Variants in PTPRD observed in about 807,000 individuals in gnomAD.
The protein encoded by PTPRD is protein tyrosine phosphatase receptor type D, also known as receptor-type tyrosine-protein phosphatase delta.
Under a neutral mutation model 214.5 loss-of-function variants are expected in PTPRD, and 34 were observed. The ratio of observed to expected loss-of-function variants is 0.16; its 90% CI spans 0.12 to 0.21. The LOEUF (loss-of-function observed/expected upper bound fraction) is 0.21. Ranked by LOEUF, PTPRD falls within the 10% of genes least tolerant of loss-of-function variation. The pLI, the probability that PTPRD is intolerant of heterozygous loss-of-function variation, is 1.00. For synonymous variants in PTPRD, 1,128 were observed against 845.7 expected (o/e 1.33, Z -5.79); for missense variants, 2,545 against 2,398.7 (o/e 1.06, Z -1.27).
rs1488456477 is a variant in PTPRD, at chr9:9,971,051, C to T, written c.-471-32441G>A. ...AATATCTGAAATTCTTAAGTAACAA[C>T]CTACAAAGATAGAAAATTTTTAATT... On this transcript the variant is annotated intron_variant, in intron 4 of 45. Coordinates refer to ENST00000381196, the MANE Select transcript of PTPRD (RefSeq NM_002839.4). Among the ~76,000 whole-genome samples, 4 of 152,002 alleles carry T rather than the reference C, an allele frequency of 2.6e-5. No individual in the cohort carries two copies. In the East Asian group the frequency reaches 7.7e-4, roughly 29 times the overall value.
intron 5 of PTPRD, among the ~76,000 whole-genome samples, chr9:9,821,465 T>A (rs2050703850): frequency 1.3e-5 from 2 of 152,320 alleles, no homozygotes; most frequent in Admixed American, 6.5e-5. Flanking sequence ...TTTCAAAACT[T>A]ACCTGAATAT....
chr9:10,387,588 T>G (rs1410459582), intron 2 of PTPRD, among the ~76,000 whole-genome samples: 1 of 151,762 alleles, frequency 6.6e-6, no homozygotes, highest in Non-Finnish European at 1.5e-5. Context: ...TCTTCTCCTC[T>G]TGCTCAACTT....
chr9:10,328,865 C>A (rs757857780), intron 3 of PTPRD, among the ~76,000 whole-genome samples: 1 of 151,842 alleles, frequency 6.6e-6, no homozygotes, highest in South Asian at 2.1e-4. Flanking sequence ...AATGTCATTT[C>A]GATGGAAGAT....
chr9:8,377,545 C>T (rs72691040), intron 37 of PTPRD, among the ~76,000 whole-genome samples: 27,038 of 151,922 alleles, frequency 0.18, 2,746 homozygotes, highest in Non-Finnish European at 0.24. Flanking sequence ...GTAACAAACA[C>T]AGCACAATAT....
chr9:9,359,410 T>C (rs552958413), intron 9 of PTPRD, among the ~76,000 whole-genome samples: 79 of 151,304 alleles, frequency 5.2e-4, no homozygotes, highest in Non-Finnish European at 9.8e-4. Flanking sequence ...AAATGTCCCC[T>C]GATAAGAGGT....
At chr9:9,289,392 A>C (rs1950470536) in intron 9 of PTPRD, among the ~76,000 whole-genome samples, 1 of 151,874 alleles carries the variant, frequency 6.6e-6, no homozygotes, top group Non-Finnish European at 1.5e-5. Context: ...TTCAATGTGT[A>C]CAATGTGATT....
intron 4 of PTPRD, among the ~76,000 whole-genome samples, chr9:10,015,216 C>T (rs2096679048): frequency 6.6e-6 from 1 of 152,056 alleles, no homozygotes. Flanking sequence ...TTCAGAGTTA[C>T]CAGCTTTTTC....
chr9:10,229,291 T>C (rs926020487), intron 3 of PTPRD, among the ~76,000 whole-genome samples: 6 of 152,104 alleles, frequency 3.9e-5, no homozygotes, highest in Admixed American at 2.0e-4. Flanking sequence ...GAAGTCACTG[T>C]GGCAATTCCT....
rs76104295 is a variant in PTPRD at position 10,220,052 on chromosome 9, G to C, written c.-545+120911C>G. Among the ~76,000 whole-genome samples, 1,442 of 151,692 alleles carry C rather than the reference G, an allele frequency of 9.5e-3. 22 individuals are homozygous for C. Among genetic ancestry groups the C allele is most frequent in the Non-Finnish European group, 0.012 (790 of 67,752 alleles). ...TTTACACACACAGAATAACTGGTTG[G>C]AAAATAATTTTACATATTTTATACC... On this transcript the variant is annotated intron_variant, in intron 3 of 45. Coordinates refer to ENST00000381196, the MANE Select transcript of PTPRD (RefSeq NM_002839.4).
chr9:10,395,954 T>TGAGAGAGAGAGAGAGAGAGAGAGA (rs368100918), intron 2 of PTPRD, among the ~76,000 whole-genome samples: 1,466 of 134,156 alleles, frequency 0.011, 19 homozygotes, highest in East Asian at 0.033. Flanking sequence ...ATAGAGAGAA[T>TGAGAGAGAGAGAGAGAGAGAGAGA]GAGAGAGAGA....
intron 2 of PTPRD, among the ~76,000 whole-genome samples, chr9:10,582,613 T>G (rs1346852960): frequency 6.6e-6 from 1 of 152,232 alleles, no homozygotes; most frequent in Non-Finnish European, 1.5e-5. Flanking sequence ...CCTTGAATAT[T>G]TCCATTTTAG....
intron 9 of PTPRD, among the ~76,000 whole-genome samples, chr9:9,250,363 A>AT (rs1569565701): frequency 6.6e-6 from 1 of 152,072 alleles, no homozygotes; most frequent in Admixed American, 6.6e-5. Flanking sequence ...ATAAATACTA[A>AT]TATCTGCCCT....
chr9:9,614,192 G>C (rs1481559353), intron 7 of PTPRD, among the ~76,000 whole-genome samples: 1 of 151,886 alleles, frequency 6.6e-6, no homozygotes, highest in Non-Finnish European at 1.5e-5. Flanking sequence ...GATTGCCAGA[G>C]ATTACAAAGT....
intron 11 of PTPRD, among the ~76,000 whole-genome samples, chr9:8,762,184 A>G (rs1041128204): frequency 3.3e-5 from 5 of 152,174 alleles, no homozygotes; most frequent in African/African-American, 1.2e-4. Context: ...ATAATTCTCA[A>G]TAATTTTTCC....
chr9:8,332,079 T>C (rs1841967649), intron 43 of PTPRD, among the ~76,000 whole-genome samples: 1 of 152,166 alleles, frequency 6.6e-6, no homozygotes, highest in African/African-American at 2.4e-5. Context: ...CCATTCATCA[T>C]GTCTGCATTC....
chr9:9,176,604 G>T (rs908674882), intron 10 of PTPRD, among the ~76,000 whole-genome samples: 1 of 152,156 alleles, frequency 6.6e-6, no homozygotes, highest in Non-Finnish European at 1.5e-5. Context: ...TTAAAGAGGT[G>T]AGTAAGCCAT....
At chr9:10,240,644 G>A (rs1356125305) in intron 3 of PTPRD, among the ~76,000 whole-genome samples, 2 of 151,830 alleles carry the variant, frequency 1.3e-5, no homozygotes, top group Non-Finnish European at 2.9e-5. Context: ...TGTACAGAAG[G>A]ATAATACAAA....
Position 9,799,424 on chromosome 9 carries a change from C to T in PTPRD, c.-367-32573G>A, listed in dbSNP as rs371250465. The T allele has an allele frequency of 2.0e-5, 3 of 152,152 alleles. No individual in the cohort carries two copies. The East Asian group carries it at 5.8e-4, about 29-fold the overall frequency. The allele number at this position is 152,152 out of a possible 1,614,324, so 9.4% of individuals were successfully genotyped here. A position where few individuals can be genotyped will look rare whatever the true frequency, so the allele number is the denominator to read the frequency against. Reference sequence around the variant, plus strand: ...AAGTTATCCACAATGTTTTGAAGCCCTAAGGGTAGAAAGGGACTCTAAAGG... The same window carrying T: ...AAGTTATCCACAATGTTTTGAAGCCTTAAGGGTAGAAAGGGACTCTAAAGG... On this transcript the variant is annotated intron_variant, in intron 5 of 45. Transcript: ENST00000381196.
intron 12 of PTPRD, among the ~76,000 whole-genome samples, chr9:8,654,405 C>T (rs2096870619): frequency 6.6e-6 from 1 of 152,134 alleles, no homozygotes; most frequent in African/African-American, 2.4e-5. Flanking sequence ...ACAACGCTCA[C>T]CAAGGATCAT....
Sources: allele counts gnomAD v4.1 joint callset (sites outside exome capture counted in the v4.1 genomes callset), GRCh38; gene constraint gnomAD v4.1.1; transcripts MANE v1.5; gene names NCBI Gene and HGNC (gene_info 2026-07-23, HGNC 2026-07-21).